DDX10: variants seen among roughly 807,000 people sequenced by gnomAD.
DDX10 encodes the protein probable ATP-dependent RNA helicase DDX10.
In DDX10, 74 loss-of-function variants were observed where a neutral mutation model predicts 104.3. The observed-to-expected ratio is 0.71, with a 90% CI of 0.59 to 0.86. DDX10 has a LOEUF of 0.86. Ranked by LOEUF, DDX10 falls within the 40% of genes least tolerant of loss-of-function variation. The pLI is 0.00. For missense variants in DDX10, 952 were observed against 1,040.0 expected (o/e 0.92, Z 1.16); for synonymous variants, 351 against 353.4 (o/e 0.99, Z 0.08).
chr11:108,895,972 A>G (rs1049113144), intron 16 of DDX10, among the ~76,000 whole-genome samples: 3 of 152,220 alleles, frequency 2.0e-5, no homozygotes, highest in South Asian at 2.1e-4. Flanking sequence ...CTTTGTGGCA[A>G]TTCACTATTT....
intron 16 of DDX10, among the ~76,000 whole-genome samples, chr11:108,903,539 AC>A (rs1863546760): frequency 6.6e-6 from 1 of 152,314 alleles, no homozygotes; most frequent in Non-Finnish European, 1.5e-5. Context: ...TATTTCCTAA[AC>A]AATACAGTGT....
chr11:108,819,963 TA>T (rs1440336867), intron 13 of DDX10, among the ~76,000 whole-genome samples: 3 of 152,224 alleles, frequency 2.0e-5, no homozygotes, highest in Non-Finnish European at 4.4e-5. Context: ...TTAATCTTCC[TA>T]CAAGCAATGT....
At chr11:108,932,626 A>G (rs1001347132) in intron 17 of DDX10, among the ~76,000 whole-genome samples, 14 of 152,014 alleles carry the variant, frequency 9.2e-5, no homozygotes, top group Non-Finnish European at 1.3e-4. Context: ...CATTTAGAGT[A>G]GCTAGTGGCT....
chr11:108,845,233 C>T (rs1591833660), intron 15 of DDX10, among the ~76,000 whole-genome samples: 1 of 151,794 alleles, frequency 6.6e-6, no homozygotes, highest in South Asian at 2.1e-4. Context: ...AACAAACAAA[C>T]AAACAAAGAC....
chr11:108,811,573 T>A (rs1862181221), intron 13 of DDX10, among the ~76,000 whole-genome samples: 1 of 152,242 alleles, frequency 6.6e-6, no homozygotes, highest in Admixed American at 6.5e-5. Flanking sequence ...TATTATTTTT[T>A]AATGTAACTA....
intron 13 of DDX10, among the ~76,000 whole-genome samples, chr11:108,726,092 G>T (rs1038202464): frequency 2.0e-5 from 3 of 151,986 alleles, no homozygotes; most frequent in Non-Finnish European, 4.4e-5. Context: ...GACTTTCAAA[G>T]ATACGTCTGT....
chr11:108,750,059 G>A (rs2094336492), intron 13 of DDX10, among the ~76,000 whole-genome samples: 1 of 152,110 alleles, frequency 6.6e-6, no homozygotes. Context: ...TGCTTTGAAT[G>A]TTGTGGTTGT....
At chr11:108,887,846 G>A (rs1863319666) in intron 16 of DDX10, among the ~76,000 whole-genome samples, 1 of 152,010 alleles carries the variant, frequency 6.6e-6, no homozygotes. Context: ...CTTAAACCTG[G>A]GCAGTAGAGA....
At chr11:108,666,910 C>T (rs2094210870) in intron 1 of DDX10, among the ~76,000 whole-genome samples, 1 of 152,194 alleles carries the variant, frequency 6.6e-6, no homozygotes, top group South Asian at 2.1e-4. Context: ...AGCACCACAT[C>T]CTAGCTCCAC....
At chr11:108,717,391 C>T (rs1041980282) in intron 11 of DDX10, among the ~76,000 whole-genome samples, 6 of 152,154 alleles carry the variant, frequency 3.9e-5, no homozygotes, top group East Asian at 3.9e-4. Flanking sequence ...CTCATCGCAA[C>T]CTCCGCCTCC....
chr11:108,715,874 CAAAG>C lies in DDX10; in HGVS notation c.1323-2_1324del. On this transcript the variant is annotated splice_acceptor_variant and splice_polypyrimidine_tract_variant and intron_variant, in intron 10 of 17. Transcript: ENST00000322536. LOFTEE classifies it high-confidence loss of function. ...TATTTTAACCTTTATCTTTTTGTTACAAAGAATCAATCCAGAAAAACTTATAGAT... is the reference window on the plus strand; with the variant it reads ...TATTTTAACCTTTATCTTTTTGTTACAATCAATCCAGAAAAACTTATAGAT... 1 of 1,411,876 alleles carries C rather than the reference CAAAG, an allele frequency of 7.1e-7. No homozygotes were observed. Among genetic ancestry groups the C allele is most frequent in the Non-Finnish European group, 9.9e-7 (1 of 1,008,464 alleles). The allele number at this position is 1,411,876 out of a possible 1,614,324, so 87.5% of individuals were successfully genotyped here.
chr11:108,670,474 C>T (rs2094215560), intron 1 of DDX10, among the ~76,000 whole-genome samples: 1 of 152,154 alleles, frequency 6.6e-6, no homozygotes, highest in Non-Finnish European at 1.5e-5. Context: ...AGAGGAATCC[C>T]CGGGCCTGCA....
At chr11:108,933,206 G>A (rs549066801) in intron 17 of DDX10, among the ~76,000 whole-genome samples, 5 of 152,092 alleles carry the variant, frequency 3.3e-5, no homozygotes, top group African/African-American at 9.7e-5. Context: ...CATCAGGGTT[G>A]TGGAGGATTC....
intron 13 of DDX10, among the ~76,000 whole-genome samples, chr11:108,781,607 G>A (rs984865859): frequency 4.6e-5 from 7 of 151,974 alleles, no homozygotes; most frequent in African/African-American, 1.4e-4. Flanking sequence ...ATTTTGTTTT[G>A]TTTTTCAAAA....
intron 16 of DDX10, among the ~76,000 whole-genome samples, chr11:108,869,291 C>T (rs1245678229): frequency 1.3e-5 from 2 of 151,706 alleles, no homozygotes; most frequent in African/African-American, 4.8e-5. Flanking sequence ...CCATTATGCT[C>T]TGTCATGGCT....
chr11:108,811,117 G>A (rs1304488065), intron 13 of DDX10, among the ~76,000 whole-genome samples: 7 of 152,180 alleles, frequency 4.6e-5, no homozygotes. Flanking sequence ...GATACACTGT[G>A]TGAGTATATA....
Position 108,909,051 on chromosome 11 carries a change from A to G in DDX10, c.2305-8822A>G, listed in dbSNP as rs564271811. Among the ~76,000 whole-genome samples, 102 of 152,250 alleles carry G rather than the reference A, an allele frequency of 6.7e-4. 1 individual carries two copies. In the South Asian group the frequency reaches 0.021, roughly 31 times the overall value. On this transcript the variant is annotated intron_variant, in intron 16 of 17. Transcript: ENST00000322536. The stretch of plus-strand genomic sequence containing the variant: ...AGGAGTGTCTCTGGTTTTACTTAAG[A>G]AGTCACCTTTCAGCACTTGGCATTT...
chr11:108,768,005 A>G lies in DDX10; in HGVS notation c.1965+44543A>G, dbSNP rs535399489. ...ATCCACTTCCACTTGATGAATAGTA[A>G]GTATATTTTCTCTTCCATATGACTT... On this transcript the variant is annotated intron_variant, in intron 13 of 17. Coordinates refer to ENST00000322536, the MANE Select transcript of DDX10 (RefSeq NM_004398.4). 7 of 152,358 alleles carry G rather than the reference A, an allele frequency of 4.6e-5. No homozygotes were observed. The South Asian group carries it at 1.5e-3, about 32-fold the overall frequency. 9.4% of individuals were successfully genotyped at this position (152,358 alleles called of 1,614,324 possible).
chr11:108,806,999 A>G (rs1244706140), intron 13 of DDX10, among the ~76,000 whole-genome samples: 1 of 152,168 alleles, frequency 6.6e-6, no homozygotes, highest in Non-Finnish European at 1.5e-5. Flanking sequence ...TAAAGATGTG[A>G]TCTTGGTCTG....
Sources: gnomAD v4.1 joint callset for allele counts (sites outside exome capture counted in the v4.1 genomes callset) on GRCh38, gnomAD v4.1.1 for gene constraint, MANE v1.5 for transcripts, NCBI Gene and HGNC (gene_info 2026-07-23, HGNC 2026-07-21) for gene names.